Variants in KIF7 observed in about 807,000 individuals in gnomAD.
KIF7 encodes the protein kinesin family member 7.
In KIF7, 104 loss-of-function variants were observed where a neutral mutation model predicts 135.7. That is an observed-to-expected ratio of 0.77 (90% CI 0.65 to 0.90). The LOEUF is 0.90. Among genes scored for constraint, KIF7 ranks in the 40% least tolerant of loss-of-function variants. The pLI is 0.00. For missense variants in KIF7, 2,005 were observed against 1,839.1 expected, an observed-to-expected ratio of 1.09 and a Z score of -1.65; for synonymous variants, 883 against 809.4, an observed-to-expected ratio of 1.09 and a Z score of -1.54.
rs913243558 is a variant in KIF7, at chr15:89,649,044, C to T, written c.853G>A (p.Val285Ile). The T allele has an allele frequency of 3.9e-6, 6 of 1,548,182 alleles. No homozygotes were observed. The East Asian group carries it at 1.2e-4, about 32-fold the overall frequency. Reference sequence around the variant, plus strand: ...TGAGGGTCCCCCAGGGCGCTGATGACGTTGCCCAGCGCCAGGAGGCTGCTG... The same window carrying T: ...TGAGGGTCCCCCAGGGCGCTGATGATGTTGCCCAGCGCCAGGAGGCTGCTG... ...INSSLLALGNVISALGDPQRR... is the reference protein window; with the variant it reads ...INSSLLALGNIISALGDPQRR... Residue 285 changes from valine to isoleucine, a missense_variant, in exon 4 of 19, where the codon GTC becomes ATC. Coordinates refer to ENST00000394412, the MANE Select transcript of KIF7 (RefSeq NM_198525.3).
chr15:89,625,936 G>C (rs1273354169), downstream of KIF7: 2 of 1,570,358 alleles, frequency 1.3e-6, no homozygotes, highest in African/African-American at 2.7e-5. Context: ...ATCTCTTTAG[G>C]CTCCACCCCA....
upstream of KIF7, among the ~76,000 whole-genome samples, chr15:89,657,254 T>C (rs2142043005): frequency 7.3e-6 from 1 of 137,778 alleles, no homozygotes; most frequent in South Asian, 2.2e-4. Flanking sequence ...GAGGTTGCAG[T>C]GAGCCGAGAT....
At chr15:89,648,851 C>CT in intron 4 of KIF7, 77 bp from the exon 5 acceptor site, 1 of 1,471,180 alleles carries the variant, frequency 6.8e-7, no homozygotes, top group South Asian at 1.4e-5. Flanking sequence ...CTGGGACCGG[C>CT]TCCTGGCGCG....
intron 11 of KIF7, among the ~76,000 whole-genome samples, chr15:89,636,691 G>C: frequency 1.4e-5 from 1 of 72,192 alleles, no homozygotes; most frequent in Non-Finnish European, 2.8e-5. Context: ...AGTCCTGAGT[G>C]ACCTACAAAG....
chr15:89,630,089 G>C (rs80185307), intron 16 of KIF7, 198 bp downstream of exon 16: 1 of 622,086 alleles, frequency 1.6e-6, no homozygotes. Flanking sequence ...GAGCAGAAGT[G>C]GGGGGCGGGT....
chr15:89,635,879 G>C (rs927484969), intron 11 of KIF7, among the ~76,000 whole-genome samples: 8 of 152,090 alleles, frequency 5.3e-5, no homozygotes, highest in Admixed American at 3.9e-4. Context: ...ATAATTGTCA[G>C]ATTCACCAAA....
At chr15:89,627,239 T>G, downstream of KIF7, 3 of 879,082 alleles carry the variant, frequency 3.4e-6, no homozygotes, top group Middle Eastern at 3.5e-4. Context: ...CCCTTATGGA[T>G]CCAATCCATC....
intron 12 of KIF7, 126 bp downstream of exon 12, chr15:89,633,560 C>T (rs1014340547): frequency 4.7e-6 from 5 of 1,071,610 alleles, no homozygotes; most frequent in African/African-American, 1.6e-5. Flanking sequence ...CAGACTCAGG[C>T]TAAGTGACCT....
chr15:89,644,577 C>T (rs907375595), intron 10 of KIF7, among the ~76,000 whole-genome samples: 6 of 151,746 alleles, frequency 4.0e-5, no homozygotes, highest in African/African-American at 7.3e-5. Context: ...CCCAGCTACT[C>T]GGGAGGCTGA....
the KIF7 span, among the ~76,000 whole-genome samples, chr15:89,661,668 A>G: frequency 2.2e-4 from 33 of 152,192 alleles, no homozygotes; most frequent in Non-Finnish European, 3.5e-4. Flanking sequence ...AGAAGTTTCC[A>G]TTGACCCAGT....
At chr15:89,621,358 AAG>A in intron 1 of KIF7, 1 of 1,579,822 alleles carries the variant, frequency 6.3e-7, no homozygotes, top group South Asian at 1.2e-5. Context: ...GGAATTGAGA[AAG>A]AATTAAATAT....
intron 1 of KIF7, among the ~76,000 whole-genome samples, chr15:89,654,456 T>A (rs1433109864): frequency 6.6e-6 from 1 of 151,794 alleles, no homozygotes; most frequent in Non-Finnish European, 1.5e-5. Flanking sequence ...AGCCTCCTCA[T>A]CCCTCCCGGC....
chr15:89,628,427 G>A lies in KIF7; in HGVS notation c.4024C>T (p.Pro1342Ser), dbSNP rs1196224413. The A allele has an allele frequency of 2.5e-6, 4 of 1,606,042 alleles. No homozygotes were observed. The highest frequency in any genetic ancestry group is 3.4e-6 in the Non-Finnish European group (4 of 1,176,158). The change falls in exon 19 of 19, where the codon CCC becomes TCC. Residue 1342 changes from proline to serine, a missense_variant. Transcript: ENST00000394412. ...SPGMIDVRKN[P>S]L is the part of the protein sequence containing the mutation. ...GGGTCTGCCCCGAGGGCTTACAGGG[G>A]GTTTTTCCGGACATCAATCATCCCC...
intron 16 of KIF7, chr15:89,629,857 A>G (rs1963634015): frequency 1.8e-6 from 1 of 558,078 alleles, no homozygotes. Context: ...GATTTCATCT[A>G]GACCAACCTC....
intron 8 of KIF7, among the ~76,000 whole-genome samples, 153 bp from the exon 9 acceptor site, chr15:89,645,604 C>G (rs933212856): frequency 1.3e-5 from 2 of 152,152 alleles, no homozygotes; most frequent in African/African-American, 4.8e-5. Flanking sequence ...ATCAGGAGTC[C>G]AGGGGCAGAG....
rs1455184212 is a variant in KIF7, at chr15:89,648,314, T to C, written c.1384A>G (p.Ser462Gly). ...TCGACGGAGGCGCTCTCGATGCCGC[T>C]ATCGGGCCCGGAGGCGGAGCTCAGG... ...SALSSASGPDSGIESASVEDQ... is the reference protein window; with the variant it reads ...SALSSASGPDGGIESASVEDQ... The change falls in exon 5 of 19, where the codon AGC becomes GGC. Residue 462 changes from serine to glycine, a missense_variant. Ser to Gly is a moderately conservative substitution (Grantham distance 56). Coordinates refer to ENST00000394412, the MANE Select transcript of KIF7 (RefSeq NM_198525.3). 1 of 1,512,780 alleles carries C rather than the reference T, an allele frequency of 6.6e-7. No individual in the cohort carries two copies. The highest frequency in any genetic ancestry group is 2.0e-5 in the Admixed American group (1 of 49,774). The allele number at this position is 1,512,780 out of a possible 1,614,324, so 93.7% of individuals were successfully genotyped here. A position where few individuals can be genotyped will look rare whatever the true frequency, so the allele number is the denominator to read the frequency against.
rs1371167571 is a variant in KIF7 at position 89,648,532 on chromosome 15, C to G, written c.1166G>C (p.Arg389Pro). 1.7e-6 allele frequency: 2 copies of G among 1,184,112 alleles called. No homozygotes were observed. The highest frequency in any genetic ancestry group is 1.0e-6 in the Non-Finnish European group (1 of 952,942). 73.4% of individuals were successfully genotyped at this position (1,184,112 alleles called of 1,614,324 possible). ...RSETRIIHRG[R>P]RAPGPATASA... is the part of the protein sequence containing the mutation. Reference sequence around the variant, plus strand: ...GGCGGTGGCTGGGCCTGGGGCGCGCCGGCCGCGGTGGATGATGCGGGTCTC... The same window carrying G: ...GGCGGTGGCTGGGCCTGGGGCGCGCGGGCCGCGGTGGATGATGCGGGTCTC... Residue 389 changes from arginine to proline, a missense_variant, in exon 5 of 19, where the codon CGG becomes CCG. Physicochemically the swap from Arg to Pro is moderately radical, Grantham distance 103. Transcript: ENST00000394412.
At chr15:89,635,677 T>G (rs1167361569) in intron 11 of KIF7, among the ~76,000 whole-genome samples, 1 of 152,036 alleles carries the variant, frequency 6.6e-6, no homozygotes, top group Admixed American at 6.5e-5. Context: ...TGGGACTATG[T>G]GAAAAGACCA....
At chr15:89,635,340 G>C (rs190047542) in intron 11 of KIF7, among the ~76,000 whole-genome samples, 13 of 152,350 alleles carry the variant, frequency 8.5e-5, no homozygotes, top group Admixed American at 7.8e-4. Context: ...TGACTTTGAC[G>C]AGCTGAGAGA....
Sources: gnomAD v4.1 joint callset for allele counts (sites outside exome capture counted in the v4.1 genomes callset) on GRCh38, gnomAD v4.1.1 for gene constraint, MANE v1.5 for transcripts, NCBI Gene and HGNC (gene_info 2026-07-23, HGNC 2026-07-21) for gene names.